Variants in SUMF1 observed in about 807,000 individuals in gnomAD.
SUMF1 encodes sulfatase modifying factor 1.
SUMF1 carries 48 observed loss-of-function variants against 47.6 expected under a neutral mutation model. That is an observed-to-expected ratio of 1.01 (90% CI 0.80 to 1.28). The LOEUF (loss-of-function observed/expected upper bound fraction) is 1.28, where lower values mean the gene tolerates loss of function less well. Ranked by LOEUF, SUMF1 falls within the 50% of genes most tolerant of loss-of-function variation. SUMF1 has a pLI of 0.00. For missense variants in SUMF1, 571 were observed against 485.4 expected (o/e 1.18, Z -1.66); for synonymous variants, 230 against 192.1 (o/e 1.20, Z -1.63).
At chr3:4,247,759 A>G (rs1287332146) in intron 8 of SUMF1, among the ~76,000 whole-genome samples, 1 of 152,214 alleles carries the variant, frequency 6.6e-6, no homozygotes, top group Non-Finnish European at 1.5e-5. Flanking sequence ...GAATACAAGC[A>G]GAAAAATGTA....
chr3:4,460,688 A>T (rs1474760808), intron 1 of SUMF1, among the ~76,000 whole-genome samples: 1 of 149,798 alleles, frequency 6.7e-6, no homozygotes, highest in African/African-American at 2.5e-5. Context: ...ATGGAGTCCC[A>T]CTCTGTCACC....
intron 8 of SUMF1, among the ~76,000 whole-genome samples, chr3:4,368,035 C>T (rs1472753899): frequency 6.6e-6 from 1 of 151,946 alleles, no homozygotes; most frequent in African/African-American, 2.4e-5. Context: ...AAACTACCAT[C>T]AGAGTGAACA....
rs191892850 is a variant in SUMF1, at chr3:4,135,593, G to A, written c.1015-66848C>T. 3.7e-4 allele frequency among the ~76,000 whole-genome samples: 56 copies of A among 152,144 alleles called. 1 individual carries two copies. The South Asian group carries it at 8.3e-3, about 23-fold the overall frequency. ...CAGGGATGCCCTCTGTCACCACTCC[G>A]ATTCCAACATAGTGTTGGAAGTTCT... On this transcript the variant is annotated intron_variant and NMD_transcript_variant, in intron 8 of 12. Transcript: ENST00000448413.
intron 6 of SUMF1, 71 bp from the exon 7 acceptor site, chr3:4,411,049 T>C: frequency 8.3e-7 from 1 of 1,199,578 alleles, no homozygotes; most frequent in Non-Finnish European, 1.2e-6. Flanking sequence ...AGTGCAGAAA[T>C]GCAGCAAGAG....
At chr3:4,145,380 T>A (rs910085093) in intron 8 of SUMF1, among the ~76,000 whole-genome samples, 1 of 152,086 alleles carries the variant, frequency 6.6e-6, no homozygotes, top group Non-Finnish European at 1.5e-5. Flanking sequence ...TCTTGAACTA[T>A]GAACTCAGAG....
chr3:4,382,008 A>T (rs1700519175), intron 7 of SUMF1, among the ~76,000 whole-genome samples: 1 of 152,166 alleles, frequency 6.6e-6, no homozygotes, highest in African/African-American at 2.4e-5. Context: ...ACTGCGCCAC[A>T]GCACTACAGC....
Position 4,347,368 on chromosome 3 carries a change from G to A in SUMF1, c.1014+28962C>T, listed in dbSNP as rs139695604. On this transcript the variant is annotated intron_variant and NMD_transcript_variant, in intron 8 of 12. Transcript: ENST00000448413. ...GTGGGCTTCATCACTGGGATGCAAGGGTGGTTCAACATACACAAATCAATA... is the reference window on the plus strand; with the variant it reads ...GTGGGCTTCATCACTGGGATGCAAGAGTGGTTCAACATACACAAATCAATA... 1.2e-3 allele frequency among the ~76,000 whole-genome samples: 188 copies of A among 152,192 alleles called. 4 individuals carry two copies. The South Asian group carries it at 0.038, about 31-fold the overall frequency.
chr3:4,294,796 T>G (rs1193631943), intron 8 of SUMF1, among the ~76,000 whole-genome samples: 2 of 152,124 alleles, frequency 1.3e-5, no homozygotes, highest in East Asian at 3.8e-4. Context: ...ACAGCAATGT[T>G]TATCGCAAAT....
intron 8 of SUMF1, among the ~76,000 whole-genome samples, chr3:4,318,818 G>A (rs1698753220): frequency 6.6e-6 from 1 of 152,122 alleles, no homozygotes; most frequent in South Asian, 2.1e-4. Context: ...TGAGGCAGGA[G>A]AATCATTTGA....
chr3:4,404,057 A>G (rs185013194), intron 7 of SUMF1, among the ~76,000 whole-genome samples: 2 of 152,364 alleles, frequency 1.3e-5, no homozygotes, highest in East Asian at 1.9e-4. Context: ...AGCAAGAAGC[A>G]TATGTCTGGA....
intron 8 of SUMF1, among the ~76,000 whole-genome samples, chr3:4,369,171 C>G (rs1029098404): frequency 6.6e-6 from 1 of 151,818 alleles, no homozygotes; most frequent in African/African-American, 2.4e-5. Context: ...AAAATAAAGA[C>G]AGTGCTTTGT....
chr3:4,080,756 G>T (rs1299339833), intron 8 of SUMF1, among the ~76,000 whole-genome samples: 1 of 151,920 alleles, frequency 6.6e-6, no homozygotes, highest in Non-Finnish European at 1.5e-5. Context: ...TATTTTAAAG[G>T]TTTCTTAGCT....
chr3:4,264,462 C>T (rs550934574), intron 8 of SUMF1, among the ~76,000 whole-genome samples: 11 of 152,188 alleles, frequency 7.2e-5, no homozygotes, highest in Non-Finnish European at 1.5e-4. Context: ...ATGAACATTT[C>T]ATGAGCCATG....
In SUMF1 at chr3:4,109,287, G is replaced by A. The variant is rs978340555; in HGVS notation, c.1015-40542C>T. Among the ~76,000 whole-genome samples the A allele has an allele frequency of 2.0e-5, 3 of 152,128 alleles. No individual in the cohort carries two copies. The South Asian group carries it at 6.2e-4, about 31-fold the overall frequency. On this transcript the variant is annotated intron_variant and NMD_transcript_variant, in intron 8 of 12. Coordinates refer to the SUMF1 transcript ENST00000448413. The stretch of plus-strand genomic sequence containing the variant: ...TTCTGGCTTGTAGAGTTTCTGCAGA[G>A]AGATCCGCTGTAAGTCTGATGGGCT...
intron 9 of SUMF1, among the ~76,000 whole-genome samples, chr3:4,061,676 G>C (rs1408532965): frequency 6.6e-6 from 1 of 152,042 alleles, no homozygotes; most frequent in Non-Finnish European, 1.5e-5. Flanking sequence ...GGGGTGGTGG[G>C]GGACACATAA....
intron 8 of SUMF1, among the ~76,000 whole-genome samples, chr3:4,308,781 T>C (rs1698291896): frequency 6.6e-6 from 1 of 152,238 alleles, no homozygotes; most frequent in Non-Finnish European, 1.5e-5. Context: ...TCTAACCTCC[T>C]AATTGAAGAC....
intron 8 of SUMF1, chr3:4,313,987 GT>G (rs1698533810): frequency 2.5e-6 from 2 of 788,862 alleles, no homozygotes; most frequent in Admixed American, 3.1e-5. Flanking sequence ...CTTAGTGACT[GT>G]TCTAGTTAAT....
At chr3:4,369,674 A>G (rs887408730) in intron 8 of SUMF1, among the ~76,000 whole-genome samples, 4 of 152,196 alleles carry the variant, frequency 2.6e-5, no homozygotes, top group African/African-American at 9.6e-5. Flanking sequence ...CAGCATACAT[A>G]AGAATGGCCA....
intron 8 of SUMF1, among the ~76,000 whole-genome samples, chr3:4,130,660 G>T (rs191750994): frequency 6.6e-6 from 1 of 152,044 alleles, no homozygotes; most frequent in Non-Finnish European, 1.5e-5. Context: ...GGGGCCTGTT[G>T]AGATATCCCC....
Sources: gnomAD v4.1 joint callset for allele counts (sites outside exome capture counted in the v4.1 genomes callset) on GRCh38, gnomAD v4.1.1 for gene constraint, MANE v1.5 for transcripts, NCBI Gene and HGNC (gene_info 2026-07-23, HGNC 2026-07-21) for gene names.